Variants in DLGAP2 observed in about 807,000 individuals in gnomAD.
DLGAP2 encodes the protein DLG associated protein 2, also known as disks large-associated protein 2.
In DLGAP2, 26 loss-of-function variants were observed where a neutral mutation model predicts 100.3. The ratio of observed to expected loss-of-function variants is 0.26; its 90% CI spans 0.19 to 0.36. The LOEUF is 0.36. DLGAP2 is among the 10% of genes least tolerant of loss of function. DLGAP2 has a pLI of 1.00. For synonymous variants in DLGAP2, 886 were observed against 630.1 expected, an observed-to-expected ratio of 1.41 and a Z score of -6.08; for missense variants, 1,858 against 1,453.2, an observed-to-expected ratio of 1.28 and a Z score of -4.53.
chr8:1,233,362 T>C (rs191220099), intron 2 of DLGAP2, among the ~76,000 whole-genome samples: 1 of 152,214 alleles, frequency 6.6e-6, no homozygotes, highest in Non-Finnish European at 1.5e-5. Flanking sequence ...AAGAAGCCTT[T>C]AATTCAATAG....
At chr8:1,232,575 C>T (rs552706490) in intron 2 of DLGAP2, among the ~76,000 whole-genome samples, 11 of 152,322 alleles carry the variant, frequency 7.2e-5, no homozygotes, top group East Asian at 1.9e-4. Flanking sequence ...TGTTTGGGAA[C>T]GACTTATCCT....
In DLGAP2 at chr8:931,339, A is replaced by G. The variant is rs373937688; in HGVS notation, c.73+23373A>G. On this transcript the variant is annotated intron_variant, in intron 2 of 14. Coordinates refer to ENST00000637795, the MANE Select transcript of DLGAP2 (RefSeq NM_001346810.2). ...CCACGCTGAGGGAGCAGGCAATGGC[A>G]GGGGCGTTTCACGCGAGGGTGAGAA... Among the ~76,000 whole-genome samples the G allele has an allele frequency of 2.6e-4, 40 of 152,352 alleles. No individual in the cohort carries two copies. The South Asian group carries it at 8.3e-3, about 32-fold the overall frequency.
At chr8:1,250,126 G>T (rs892192077) in intron 2 of DLGAP2, among the ~76,000 whole-genome samples, 1 of 152,190 alleles carries the variant, frequency 6.6e-6, no homozygotes, top group Non-Finnish European at 1.5e-5. Flanking sequence ...TGATCTGCCT[G>T]CCTCAGCCTC....
chr8:962,845 T>C (rs1302104010), intron 2 of DLGAP2, among the ~76,000 whole-genome samples: 1 of 152,178 alleles, frequency 6.6e-6, no homozygotes, highest in Non-Finnish European at 1.5e-5. Flanking sequence ...TTGGAAACCC[T>C]GATGGCCTTC....
intron 6 of DLGAP2, among the ~76,000 whole-genome samples, chr8:1,588,753 A>G (rs1796202589): frequency 6.6e-6 from 1 of 151,266 alleles, no homozygotes; most frequent in Non-Finnish European, 1.5e-5. Context: ...AAAAAAAAAA[A>G]AAAAAAAAAG....
At chr8:1,313,280 C>T (rs1298207927) in intron 3 of DLGAP2, among the ~76,000 whole-genome samples, 2 of 152,188 alleles carry the variant, frequency 1.3e-5, no homozygotes, top group Non-Finnish European at 2.9e-5. Flanking sequence ...GCATGCGTTG[C>T]ATTATATATA....
intron 6 of DLGAP2, among the ~76,000 whole-genome samples, chr8:1,616,235 A>G (rs1797149644): frequency 1.3e-5 from 2 of 152,198 alleles, no homozygotes; most frequent in South Asian, 4.1e-4. Context: ...TAAAAAAAAG[A>G]ATAGAGCCTC....
intron 3 of DLGAP2, among the ~76,000 whole-genome samples, chr8:1,419,126 C>T (rs375683926): frequency 7.2e-5 from 11 of 152,150 alleles, no homozygotes; most frequent in South Asian, 2.1e-4. Flanking sequence ...TTTGTTTTTC[C>T]ATTTTAAATT....
chr8:1,523,934 G>C (rs534919056), intron 4 of DLGAP2, among the ~76,000 whole-genome samples: 6 of 152,310 alleles, frequency 3.9e-5, no homozygotes, highest in Admixed American at 1.3e-4. Flanking sequence ...TAAGCTGCTG[G>C]ATCTGTGGGG....
intron 2 of DLGAP2, among the ~76,000 whole-genome samples, chr8:1,111,628 A>T (rs755224810): frequency 6.6e-6 from 1 of 151,940 alleles, no homozygotes; most frequent in African/African-American, 2.4e-5. Context: ...CATTATTTAG[A>T]TCCCACTTGT....
At chr8:1,499,102 C>T (rs1394851849) in intron 3 of DLGAP2, among the ~76,000 whole-genome samples, 4 of 152,246 alleles carry the variant, frequency 2.6e-5, no homozygotes, top group African/African-American at 4.8e-5. Context: ...GACCTTCAAA[C>T]GTCCCCACTC....
At chr8:840,808 ACT>A (rs1387680421) in intron 1 of DLGAP2, among the ~76,000 whole-genome samples, 17 of 152,158 alleles carry the variant, frequency 1.1e-4, no homozygotes, top group Non-Finnish European at 2.4e-4. Context: ...GTCTCCCCAC[ACT>A]CTCGATTCTG....
chr8:977,614 A>G (rs922936315), intron 2 of DLGAP2, among the ~76,000 whole-genome samples: 5 of 152,262 alleles, frequency 3.3e-5, no homozygotes, highest in African/African-American at 1.2e-4. Flanking sequence ...ATTTTAATTT[A>G]TACTTAGTAA....
chr8:1,129,467 C>T (rs1394416024), intron 2 of DLGAP2, among the ~76,000 whole-genome samples: 1 of 151,920 alleles, frequency 6.6e-6, no homozygotes, highest in Non-Finnish European at 1.5e-5. Context: ...TGATTTTATA[C>T]TCTTCTGGAA....
intron 2 of DLGAP2, among the ~76,000 whole-genome samples, chr8:1,151,739 C>T (rs1194115416): frequency 6.6e-6 from 1 of 152,234 alleles, no homozygotes; most frequent in Non-Finnish European, 1.5e-5. Flanking sequence ...GTCGTCTCAT[C>T]TTCTCCATCC....
At chr8:1,454,510 G>T (rs979257325) in intron 3 of DLGAP2, among the ~76,000 whole-genome samples, 7 of 152,192 alleles carry the variant, frequency 4.6e-5, no homozygotes, top group Non-Finnish European at 1.0e-4. Flanking sequence ...CACCCCTGGA[G>T]GAGAGGAGCA....
At chr8:925,883 A>G (rs1051533050) in intron 2 of DLGAP2, among the ~76,000 whole-genome samples, 5 of 152,090 alleles carry the variant, frequency 3.3e-5, no homozygotes, top group Admixed American at 1.3e-4. Context: ...TGCATAATAA[A>G]ATGTATTTTA....
intron 3 of DLGAP2, among the ~76,000 whole-genome samples, chr8:1,490,302 C>T (rs1027661933): frequency 1.3e-5 from 2 of 152,186 alleles, no homozygotes; most frequent in Admixed American, 6.5e-5. Context: ...CCTGCCACAT[C>T]GAAGCACCTT....
intron 3 of DLGAP2, among the ~76,000 whole-genome samples, chr8:1,490,319 G>C (rs945149563): frequency 6.6e-6 from 1 of 152,212 alleles, no homozygotes; most frequent in Non-Finnish European, 1.5e-5. Context: ...CCTTACGTGC[G>C]GGGTTGAAAA....
Sources: allele counts gnomAD v4.1 joint callset (sites outside exome capture counted in the v4.1 genomes callset), GRCh38; gene constraint gnomAD v4.1.1; transcripts MANE v1.5; gene names NCBI Gene and HGNC (gene_info 2026-07-23, HGNC 2026-07-21).